Variants in FERMT1 observed in about 807,000 individuals in gnomAD.
The protein encoded by FERMT1 is FERM domain containing kindlin 1.
FERMT1 carries 60 observed loss-of-function variants against 85.3 expected under a neutral mutation model. The ratio of observed to expected loss-of-function variants is 0.70; its 90% confidence interval spans 0.57 to 0.87. The LOEUF (loss-of-function observed/expected upper bound fraction) is 0.87. Ranked by LOEUF, FERMT1 falls within the 40% of genes least tolerant of loss-of-function variation. The pLI, the probability that FERMT1 is intolerant of heterozygous loss-of-function variation, is 0.00. For synonymous variants in FERMT1, 275 were observed against 301.1 expected (o/e 0.91, Z 0.90); for missense variants, 701 against 818.9 (o/e 0.86, Z 1.76).
chr20:6,101,549 G>T (rs1156314194), intron 6 of FERMT1, among the ~76,000 whole-genome samples: 5 of 152,190 alleles, frequency 3.3e-5, no homozygotes, highest in Non-Finnish European at 7.3e-5. Context: ...AGTCTGCAAG[G>T]ATGGTTGGTC....
chr20:6,088,599 G>A (rs895444420), intron 10 of FERMT1, among the ~76,000 whole-genome samples: 1 of 150,762 alleles, frequency 6.6e-6, no homozygotes, highest in Admixed American at 6.6e-5. Context: ...TCATGGTGTC[G>A]AAACCCTGAC....
At position 6,077,164 on chromosome 20, in the gene FERMT1, G is replaced by A. The variant is rs370147227; in HGVS notation, c.*9C>T. On this transcript the variant is annotated 3_prime_UTR_variant, in exon 15 of 15. Transcript: ENST00000217289. Reference sequence around the variant, plus strand: ...CCTTGTTGGTGTGAGCCGAGCACGCGTGCTTGTTTCAATCCTGACCGCCGG... The same window carrying A: ...CCTTGTTGGTGTGAGCCGAGCACGCATGCTTGTTTCAATCCTGACCGCCGG... 11 of 1,613,296 alleles carry A rather than the reference G, an allele frequency of 6.8e-6. No individual in the cohort carries two copies. Among genetic ancestry groups the A allele is most frequent in the African/African-American group, 5.3e-5 (4 of 74,876 alleles).
intron 6 of FERMT1, among the ~76,000 whole-genome samples, chr20:6,107,199 C>CAAAA (rs59180891): frequency 1.9e-4 from 18 of 92,636 alleles, no homozygotes; most frequent in Non-Finnish European, 2.7e-4. Flanking sequence ...CTGTCTCAAC[C>CAAAA]AAAAAAAAAA....
chr20:6,077,160 A>G lies in FERMT1; in HGVS notation c.*13T>C. 1 of 1,613,190 alleles carries G rather than the reference A, an allele frequency of 6.2e-7. No homozygotes were observed. Among genetic ancestry groups the G allele is most frequent in the Non-Finnish European group, 8.5e-7 (1 of 1,180,000 alleles). The stretch of plus-strand genomic sequence containing the variant: ...CTTGCCTTGTTGGTGTGAGCCGAGC[A>G]CGCGTGCTTGTTTCAATCCTGACCG... On this transcript the variant is annotated 3_prime_UTR_variant, in exon 15 of 15. Transcript: ENST00000217289.
Position 6,097,433 on chromosome 20 carries a change from C to CA in FERMT1, c.957+90dup, listed in dbSNP as rs942608363. The CA allele has an allele frequency of 1.3e-3, 1,112 of 889,280 alleles. 1 individual carries two copies. The highest frequency in any genetic ancestry group is 9.6e-3 in the East Asian group (385 of 40,284). The allele number at this position is 889,280 out of a possible 1,614,324, so 55.1% of individuals were successfully genotyped here. ...TATTTTCAGATATTTCTTCAAAGAA[C>CA]AAAAAAAAACCAGTATGAAGCATAT... On this transcript the variant is annotated intron_variant, in intron 7 of 14. Transcript: ENST00000217289.
chr20:6,089,941 G>GTGGAAGAAACC (rs1354911522), intron 9 of FERMT1, among the ~76,000 whole-genome samples: 86 of 152,318 alleles, frequency 5.6e-4, no homozygotes, highest in African/African-American at 1.7e-3. Context: ...TATGCGGTTT[G>GTGGAAGAAACC]TGGAAGAAAC....
At chr20:6,094,191 G>C (rs1278246609) in intron 9 of FERMT1, 1 of 152,216 alleles carries the variant, frequency 6.6e-6, no homozygotes, top group East Asian at 1.9e-4. Context: ...CTGCCCCAGT[G>C]AAGTGCCCGT....
Position 6,076,389 on chromosome 20 carries a change from G to C in FERMT1, c.*784C>G, listed in dbSNP as rs550396481. The C allele has an allele frequency of 2.0e-6, 1 of 508,358 alleles. No homozygotes were observed. The highest frequency in any genetic ancestry group is 1.9e-5 in the African/African-American group (1 of 51,888). The allele number at this position is 508,358 out of a possible 1,614,324, so 31.5% of individuals were successfully genotyped here. On this transcript the variant is annotated 3_prime_UTR_variant, in exon 15 of 15. Coordinates refer to ENST00000217289, the MANE Select transcript of FERMT1 (RefSeq NM_017671.5). The stretch of plus-strand genomic sequence containing the variant: ...CAGTGGAGACATGGATCTGGGTTGA[G>C]AAATGGGTTTTCCTGTCCCCCTGTG...
At chr20:6,102,456 CTCT>C (rs933272193) in intron 6 of FERMT1, among the ~76,000 whole-genome samples, 3 of 151,938 alleles carry the variant, frequency 2.0e-5, no homozygotes, top group Admixed American at 6.6e-5. Context: ...GCAGGAGGAT[CTCT>C]TGAGGTCAGG....
At chr20:6,112,755 C>A in intron 3 of FERMT1, 132 bp from the exon 4 acceptor site, 1 of 605,196 alleles carries the variant, frequency 1.7e-6, no homozygotes, top group South Asian at 2.7e-5. Context: ...AAACTGCATC[C>A]CTTTTGAAGA....
At position 6,117,680 on chromosome 20, in the gene FERMT1, C is replaced by G. The variant is rs1467984545; in HGVS notation, c.152-1636G>C. 3.3e-5 allele frequency among the ~76,000 whole-genome samples: 5 copies of G among 152,110 alleles called. No homozygotes were observed. In the East Asian group the frequency reaches 9.6e-4, roughly 29 times the overall value. On this transcript the variant is annotated intron_variant, in intron 2 of 14. Coordinates refer to ENST00000217289, the MANE Select transcript of FERMT1 (RefSeq NM_017671.5). The stretch of plus-strand genomic sequence containing the variant: ...AACTCCTGACCTCGTGATCCACCCA[C>G]CTCAGCCTTCCAAAGTGCTGGGATT...
At chr20:6,097,838 A>G (rs1436751559) in intron 6 of FERMT1, among the ~76,000 whole-genome samples, 2 of 150,654 alleles carry the variant, frequency 1.3e-5, no homozygotes, top group African/African-American at 4.9e-5. Flanking sequence ...TTTTTGAGAC[A>G]GGGTCTCACT....
intron 4 of FERMT1, among the ~76,000 whole-genome samples, chr20:6,111,098 G>C (rs575997741): frequency 6.6e-6 from 1 of 151,714 alleles, no homozygotes; most frequent in Non-Finnish European, 1.5e-5. Flanking sequence ...CACCACACCC[G>C]GCTAATGGAG....
intron 6 of FERMT1, among the ~76,000 whole-genome samples, chr20:6,103,721 A>G (rs1173947819): frequency 1.4e-5 from 2 of 140,558 alleles, no homozygotes; most frequent in Non-Finnish European, 3.1e-5. Flanking sequence ...AGAGAAATTC[A>G]TCTTTTGTTT....
At chr20:6,086,903 T>C (rs968246310) in intron 11 of FERMT1, among the ~76,000 whole-genome samples, 15 of 152,254 alleles carry the variant, frequency 9.9e-5, no homozygotes, top group African/African-American at 3.1e-4. Context: ...TAGTTCTTTA[T>C]AGCAATGTGA....
chr20:6,096,801 T>TTTA, intron 8 of FERMT1, 101 bp downstream of exon 8: 1 of 925,426 alleles, frequency 1.1e-6, no homozygotes, highest in Non-Finnish European at 1.6e-6. Context: ...TTTTTTTTTT[T>TTTA]CAAAATCAGA....
intron 5 of FERMT1, 69 bp from the exon 6 acceptor site, chr20:6,107,703 CATATATT>C: frequency 1.3e-6 from 1 of 770,238 alleles, no homozygotes; most frequent in African/African-American, 1.7e-5. Context: ...ATTATTATGT[CATATATT>C]ATATACTACA....
At chr20:6,097,430 G>C (rs912460240) in intron 7 of FERMT1, 94 bp downstream of exon 7, 2 of 894,312 alleles carry the variant, frequency 2.2e-6, no homozygotes, top group African/African-American at 1.7e-5. Flanking sequence ...TTTCTTCAAA[G>C]AACAAAAAAA....
chr20:6,085,991 A>C (rs1009593610), intron 11 of FERMT1, among the ~76,000 whole-genome samples: 1 of 151,898 alleles, frequency 6.6e-6, no homozygotes, highest in African/African-American at 2.4e-5. Context: ...AATACAAAAA[A>C]ATTAGCCAGG....
Sources: gnomAD v4.1 joint callset for allele counts (sites outside exome capture counted in the v4.1 genomes callset) on GRCh38, gnomAD v4.1.1 for gene constraint, MANE v1.5 for transcripts, NCBI Gene and HGNC (gene_info 2026-07-23, HGNC 2026-07-21) for gene names.